CDH8: variants seen among roughly 807,000 people sequenced by gnomAD.
The protein encoded by CDH8 is cadherin 8.
CDH8 carries 17 observed loss-of-function variants against 68.1 expected under a neutral mutation model. The observed-to-expected ratio is 0.25, with a 90% CI of 0.17 to 0.37. CDH8 has a LOEUF of 0.37. Ranked by LOEUF, CDH8 falls within the 10% of genes least tolerant of loss-of-function variation. The pLI is 1.00. For missense variants in CDH8, 763 were observed against 999.3 expected, an observed-to-expected ratio of 0.76 and a Z score of 3.19; for synonymous variants, 372 against 365.1, an observed-to-expected ratio of 1.02 and a Z score of -0.21.
chr16:61,848,264 T>A (rs1188831407), intron 4 of CDH8, among the ~76,000 whole-genome samples: 1 of 152,064 alleles, frequency 6.6e-6, no homozygotes, highest in Admixed American at 6.6e-5. Context: ...TCCCAACGCA[T>A]CCCAGTGTAA....
chr16:61,681,831 A>G (rs570239993), intron 10 of CDH8, among the ~76,000 whole-genome samples: 76 of 152,024 alleles, frequency 5.0e-4, no homozygotes, highest in Admixed American at 3.3e-3. Context: ...GCTTATCCAC[A>G]GAACGTTCCT....
intron 7 of CDH8, among the ~76,000 whole-genome samples, chr16:61,812,911 A>G (rs1961984176): frequency 6.6e-6 from 1 of 152,084 alleles, no homozygotes; most frequent in South Asian, 2.1e-4. Context: ...TCTTTATAAA[A>G]CTGAAATCAT....
chr16:61,824,172 C>G (rs1252687358), intron 5 of CDH8, among the ~76,000 whole-genome samples: 1 of 151,368 alleles, frequency 6.6e-6, no homozygotes, highest in Non-Finnish European at 1.5e-5. Flanking sequence ...TAAGCCAGAT[C>G]AAAGGAAAAA....
intron 8 of CDH8, among the ~76,000 whole-genome samples, chr16:61,768,520 G>T (rs1014202731): frequency 2.7e-5 from 4 of 150,850 alleles, no homozygotes; most frequent in African/African-American, 7.3e-5. Context: ...TAATACAAAG[G>T]AGTTATCAAT....
chr16:61,649,692 G>C lies in CDH8; in HGVS notation c.*3916C>G, dbSNP rs528697213. On this transcript the variant is annotated 3_prime_UTR_variant, in exon 12 of 12. Coordinates refer to ENST00000577390, the MANE Select transcript of CDH8 (RefSeq NM_001796.5). ...AAGGCAATCAGAAGGTTATACATTCGTGAGATTCCCTGCAAAGCCAGTGAT... is the reference window on the plus strand; with the variant it reads ...AAGGCAATCAGAAGGTTATACATTCCTGAGATTCCCTGCAAAGCCAGTGAT... The C allele has an allele frequency of 1.3e-5, 2 of 152,044 alleles. No individual in the cohort carries two copies. Among genetic ancestry groups the C allele is most frequent in the African/African-American group, 4.8e-5 (2 of 41,502 alleles). The allele number at this position is 152,044 out of a possible 1,614,324, so 9.4% of individuals were successfully genotyped here. A position where few individuals can be genotyped will look rare whatever the true frequency, so the allele number is the denominator to read the frequency against.
At chr16:61,662,370 AGAGTGTGTCCTAATAAT>A (rs1195974737) in intron 10 of CDH8, among the ~76,000 whole-genome samples, 1 of 151,762 alleles carries the variant, frequency 6.6e-6, no homozygotes, top group Non-Finnish European at 1.5e-5. Context: ...GAGTAAACAG[AGAGTGTGTCCTAATAAT>A]GAGATGTTAG....
intron 2 of CDH8, among the ~76,000 whole-genome samples, chr16:61,988,193 C>T (rs1965659163): frequency 6.6e-6 from 1 of 151,856 alleles, no homozygotes; most frequent in South Asian, 2.1e-4. Context: ...GAAACTCAAA[C>T]ATAAGAAGTT....
At chr16:61,921,561 G>A (rs759953686) in intron 2 of CDH8, among the ~76,000 whole-genome samples, 25 of 152,274 alleles carry the variant, frequency 1.6e-4, no homozygotes, top group Non-Finnish European at 2.9e-4. Context: ...ATTTTTCTGT[G>A]AAATTGCTGA....
intron 10 of CDH8, among the ~76,000 whole-genome samples, chr16:61,688,030 G>A (rs1047939040): frequency 2.4e-4 from 37 of 151,922 alleles, no homozygotes; most frequent in Non-Finnish European, 3.5e-4. Context: ...TGACCTAAAA[G>A]GACTCTGATT....
chr16:61,983,780 C>G (rs1384503810), intron 2 of CDH8, among the ~76,000 whole-genome samples: 1 of 152,182 alleles, frequency 6.6e-6, no homozygotes, highest in African/African-American at 2.4e-5. Flanking sequence ...AGTCCAAGAT[C>G]AGGATAACAG....
At chr16:61,720,873 A>G (rs1166915920) in intron 9 of CDH8, among the ~76,000 whole-genome samples, 1 of 150,916 alleles carries the variant, frequency 6.6e-6, no homozygotes, top group African/African-American at 2.4e-5. Flanking sequence ...CCCAACAAAT[A>G]TAATAGAAAT....
At chr16:61,804,256 T>G (rs1390620857) in intron 7 of CDH8, among the ~76,000 whole-genome samples, 1 of 151,846 alleles carries the variant, frequency 6.6e-6, no homozygotes, top group East Asian at 1.9e-4. Flanking sequence ...AATAAAGATG[T>G]TCTTTAAAAC....
At chr16:61,862,756 T>A (rs948730552) in intron 3 of CDH8, among the ~76,000 whole-genome samples, 7 of 152,202 alleles carry the variant, frequency 4.6e-5, no homozygotes, top group African/African-American at 1.7e-4. Flanking sequence ...TCCATGGATA[T>A]GCATACAGAA....
intron 8 of CDH8, among the ~76,000 whole-genome samples, chr16:61,728,691 G>T (rs1214689074): frequency 6.6e-6 from 1 of 151,018 alleles, no homozygotes; most frequent in African/African-American, 2.4e-5. Flanking sequence ...ATTTGAGTAA[G>T]GTGTGGTTAT....
chr16:61,825,635 T>C (rs932307864), intron 4 of CDH8, among the ~76,000 whole-genome samples: 1 of 151,790 alleles, frequency 6.6e-6, no homozygotes, highest in African/African-American at 2.4e-5. Context: ...ACAGATACAT[T>C]TGAGAGATGA....
intron 2 of CDH8, among the ~76,000 whole-genome samples, chr16:61,946,222 G>A (rs1964799282): frequency 6.6e-6 from 1 of 152,106 alleles, no homozygotes; most frequent in African/African-American, 2.4e-5. Flanking sequence ...AAGACCACCA[G>A]GTGTCCTCTA....
intron 8 of CDH8, among the ~76,000 whole-genome samples, chr16:61,751,318 T>C (rs1046230934): frequency 5.5e-5 from 8 of 145,758 alleles, no homozygotes; most frequent in African/African-American, 1.8e-4. Context: ...CCAGAGAAGA[T>C]TTTCCTCTAC....
At chr16:61,986,277 AATG>A (rs1309266417) in intron 2 of CDH8, among the ~76,000 whole-genome samples, 1 of 152,062 alleles carries the variant, frequency 6.6e-6, no homozygotes, top group Non-Finnish European at 1.5e-5. Context: ...TGAAGATCTA[AATG>A]ATAATGGAAT....
chr16:61,925,835 A>G (rs2040918423), intron 2 of CDH8, among the ~76,000 whole-genome samples: 1 of 152,204 alleles, frequency 6.6e-6, no homozygotes, highest in African/African-American at 2.4e-5. Flanking sequence ...GACACAACAA[A>G]GCAAAACAGA....
Sources: allele counts gnomAD v4.1 joint callset (sites outside exome capture counted in the v4.1 genomes callset), GRCh38; gene constraint gnomAD v4.1.1; transcripts MANE v1.5; gene names NCBI Gene and HGNC (gene_info 2026-07-23, HGNC 2026-07-21).